The following DLGAP2 variants were observed in gnomAD, a reference collection of about 807,000 sequenced individuals.
The protein encoded by DLGAP2 is DLG associated protein 2.
A neutral mutation model predicts 100.3 loss-of-function variants in DLGAP2; 26 were observed. The observed-to-expected ratio is 0.26, with a 90% CI of 0.19 to 0.36. The LOEUF is 0.36. Ranked by LOEUF, DLGAP2 falls within the 10% of genes least tolerant of loss-of-function variation. DLGAP2 has a pLI of 1.00. For synonymous variants in DLGAP2, 886 were observed against 630.1 expected, an observed-to-expected ratio of 1.41 and a Z score of -6.08; for missense variants, 1,858 against 1,453.2, an observed-to-expected ratio of 1.28 and a Z score of -4.53.
chr8:930,629 G>T (rs979967883), intron 2 of DLGAP2, among the ~76,000 whole-genome samples: 2 of 152,210 alleles, frequency 1.3e-5, no homozygotes, highest in Non-Finnish European at 2.9e-5. Flanking sequence ...TGGGCTTGCC[G>T]CCACGTTGGG....
chr8:1,648,874 C>T (rs892822496), intron 8 of DLGAP2, among the ~76,000 whole-genome samples: 3 of 152,114 alleles, frequency 2.0e-5, no homozygotes, highest in East Asian at 1.9e-4. Context: ...AAAGAAGAAC[C>T]GCTGATCTCA....
chr8:1,205,965 C>T lies in DLGAP2; in HGVS notation c.74-52886C>T, dbSNP rs116683324. On this transcript the variant is annotated intron_variant, in intron 2 of 14. Transcript: ENST00000637795. ...CCCAGGAGAGTGACTACAGCCTGGG[C>T]AATGTAGAAAGACCTCATCTCAAGG... 4.6e-3 allele frequency among the ~76,000 whole-genome samples: 699 copies of T among 152,206 alleles called. 9 individuals carry two copies. The highest frequency in any genetic ancestry group is 0.016 in the African/African-American group (669 of 41,536).
At chr8:1,368,550 C>T (rs113482921) in intron 3 of DLGAP2, 28 of 152,180 alleles carry the variant, frequency 1.8e-4, no homozygotes, top group African/African-American at 5.8e-4. Context: ...AGCCTGACCT[C>T]CATTTATTAA....
intron 8 of DLGAP2, among the ~76,000 whole-genome samples, chr8:1,651,341 T>G (rs1272291801): frequency 6.6e-6 from 1 of 152,142 alleles, no homozygotes; most frequent in Non-Finnish European, 1.5e-5. Context: ...TCAGCAGCCA[T>G]GGTCACGTCC....
intron 3 of DLGAP2, among the ~76,000 whole-genome samples, chr8:1,378,708 C>A (rs1232113065): frequency 6.6e-6 from 1 of 152,250 alleles, no homozygotes; most frequent in African/African-American, 2.4e-5. Context: ...TTTCATCACC[C>A]TCATTTTTGG....
chr8:781,258 CTT>C (rs996292311), intron 1 of DLGAP2, among the ~76,000 whole-genome samples: 1 of 152,030 alleles, frequency 6.6e-6, no homozygotes, highest in Admixed American at 6.6e-5. Flanking sequence ...GATGTTAAAA[CTT>C]TGTGTTGAAA....
At chr8:1,004,227 A>C (rs890820298) in intron 2 of DLGAP2, among the ~76,000 whole-genome samples, 7 of 152,208 alleles carry the variant, frequency 4.6e-5, no homozygotes, top group African/African-American at 1.4e-4. Context: ...TGCAATACAC[A>C]CTTCCAAGCT....
intron 6 of DLGAP2, among the ~76,000 whole-genome samples, chr8:1,578,721 C>T (rs1303053837): frequency 6.6e-6 from 1 of 152,194 alleles, no homozygotes; most frequent in Non-Finnish European, 1.5e-5. Flanking sequence ...CACTTATACC[C>T]TGCTATGTTC....
chr8:818,417 G>T (rs1295610479), intron 1 of DLGAP2, among the ~76,000 whole-genome samples: 4 of 152,112 alleles, frequency 2.6e-5, no homozygotes, highest in Non-Finnish European at 5.9e-5. Flanking sequence ...AATTTTCCCT[G>T]GAACTTTCCC....
intron 3 of DLGAP2, among the ~76,000 whole-genome samples, chr8:1,265,627 A>T (rs978784085): frequency 1.3e-5 from 2 of 152,256 alleles, no homozygotes; most frequent in African/African-American, 2.4e-5. Context: ...CTGAAGCCAG[A>T]CAAGTACAGA....
intron 2 of DLGAP2, among the ~76,000 whole-genome samples, chr8:1,073,960 C>T (rs535227227): frequency 6.6e-6 from 1 of 152,112 alleles, no homozygotes; most frequent in African/African-American, 2.4e-5. Flanking sequence ...TGAGGCTGAA[C>T]TCACCCAGGT....
At chr8:1,054,192 G>A (rs184374082) in intron 2 of DLGAP2, among the ~76,000 whole-genome samples, 34 of 150,770 alleles carry the variant, frequency 2.3e-4, no homozygotes, top group Admixed American at 4.0e-4. Context: ...ACATGTACAC[G>A]CACGCACACA....
chr8:961,826 C>T (rs902128040), intron 2 of DLGAP2, among the ~76,000 whole-genome samples: 2 of 152,268 alleles, frequency 1.3e-5, no homozygotes, highest in African/African-American at 4.8e-5. Context: ...AGGGCAGGTT[C>T]TTATTGAAAC....
At chr8:1,309,652 A>G (rs998265611) in intron 3 of DLGAP2, among the ~76,000 whole-genome samples, 2 of 152,238 alleles carry the variant, frequency 1.3e-5, no homozygotes, top group African/African-American at 4.8e-5. Flanking sequence ...AAAGGTCTTC[A>G]GCGATGGTGA....
At chr8:1,641,937 AC>A (rs1417201990) in intron 8 of DLGAP2, among the ~76,000 whole-genome samples, 13 of 110,876 alleles carry the variant, frequency 1.2e-4, no homozygotes, top group Non-Finnish European at 1.1e-4. Flanking sequence ...GTCACCCTCG[AC>A]CCCGCCGGTC....
At chr8:1,525,412 T>G (rs1267337373) in intron 4 of DLGAP2, among the ~76,000 whole-genome samples, 1 of 152,200 alleles carries the variant, frequency 6.6e-6, no homozygotes, top group Non-Finnish European at 1.5e-5. Flanking sequence ...AGGAGCATTT[T>G]CCATCCATTT....
intron 1 of DLGAP2, among the ~76,000 whole-genome samples, chr8:900,312 C>T (rs1318289981): frequency 6.6e-6 from 1 of 150,474 alleles, no homozygotes; most frequent in East Asian, 2.0e-4. Flanking sequence ...GGTGGGCGCC[C>T]TCCTCTTCAC....
intron 4 of DLGAP2, among the ~76,000 whole-genome samples, chr8:1,506,254 G>A (rs1799908864): frequency 6.6e-6 from 1 of 152,184 alleles, no homozygotes; most frequent in Non-Finnish European, 1.5e-5. Context: ...CAAAAACCCA[G>A]CTCTACCTAT....
chr8:1,553,692 A>G (rs1226452364), intron 5 of DLGAP2, among the ~76,000 whole-genome samples: 1 of 152,118 alleles, frequency 6.6e-6, no homozygotes, highest in African/African-American at 2.4e-5. Context: ...ATCACTGAGT[A>G]CTGACCTTTC....
Sources: gnomAD v4.1 joint callset for allele counts (sites outside exome capture counted in the v4.1 genomes callset) on GRCh38, gnomAD v4.1.1 for gene constraint, MANE v1.5 for transcripts, NCBI Gene and HGNC (gene_info 2026-07-23, HGNC 2026-07-21) for gene names.